Variants in NKAIN1 observed in about 807,000 individuals in gnomAD.
The protein encoded by NKAIN1 is sodium/potassium-transporting ATPase subunit beta-1-interacting protein 1.
Under a neutral mutation model 31.6 loss-of-function variants are expected in NKAIN1, and 13 were observed. That is an observed-to-expected ratio of 0.41 (90% confidence interval 0.27 to 0.65). NKAIN1 has a LOEUF of 0.65. NKAIN1 is among the 30% of genes least tolerant of loss of function. NKAIN1 has a pLI of 0.30. For synonymous variants in NKAIN1, 104 were observed against 109.0 expected (o/e 0.95, Z 0.28); for missense variants, 193 against 262.2 (o/e 0.74, Z 1.82).
intron 1 of NKAIN1, among the ~76,000 whole-genome samples, chr1:31,192,844 A>G (rs139326394): frequency 0.048 from 7,211 of 149,398 alleles, 343 homozygotes; most frequent in East Asian, 0.12. Flanking sequence ...GTGAGCCACC[A>G]TGCCTGGCCT....
At chr1:31,181,832 C>T (rs1421404888) in intron 6 of NKAIN1, 28 bp downstream of exon 6, 2 of 1,592,384 alleles carry the variant, frequency 1.3e-6, no homozygotes, top group Non-Finnish European at 1.7e-6. Flanking sequence ...CCCAGGCCTC[C>T]CCAAGCCAGC....
chr1:31,238,012 A>C (rs1164008557), intron 1 of NKAIN1, among the ~76,000 whole-genome samples: 1 of 152,196 alleles, frequency 6.6e-6, no homozygotes, highest in Non-Finnish European at 1.5e-5. Flanking sequence ...GCCCTTCTGG[A>C]GTTCCCATTC....
In NKAIN1 at chr1:31,225,033, C is replaced by CTTTTCTTTTCTTTTCTTTT. The variant is rs542671307; in HGVS notation, c.54+14460_54+14461insAAAAGAAAAGAAAAGAAAA. ...AGCCCATTTCTTTTTCTTTTCTTTT[C>CTTTTCTTTTCTTTTCTTTT]TTTTTTTTTTTTTGAGACGGACTCT... is the stretch of plus-strand genomic sequence containing the variant. On this transcript the variant is annotated intron_variant, in intron 1 of 6. Transcript: ENST00000373736. Among the ~76,000 whole-genome samples the CTTTTCTTTTCTTTTCTTTT allele has an allele frequency of 2.7e-5, 3 of 112,140 alleles. No homozygotes were observed. The East Asian group carries it at 8.2e-4, about 31-fold the overall frequency. 73.6% of individuals were successfully genotyped at this position (112,140 alleles called of 152,430 possible).
Position 31,180,083 on chromosome 1 carries a change from T to A in NKAIN1, c.*1620A>T, listed in dbSNP as rs1406221307. The A allele has an allele frequency of 6.6e-6, 1 of 152,372 alleles. No individual in the cohort carries two copies. Among genetic ancestry groups the A allele is most frequent in the East Asian group, 1.9e-4 (1 of 5,200 alleles). 9.4% of individuals were successfully genotyped at this position (152,372 alleles called of 1,614,324 possible). A position where few individuals can be genotyped will look rare whatever the true frequency, so the allele number is the denominator to read the frequency against. Reference sequence around the variant, plus strand: ...ACTCCTGGGCCTGGCTGCTTGCATTTGGGATGGTGGGGTGGGGTTGCCAGC... The same window carrying A: ...ACTCCTGGGCCTGGCTGCTTGCATTAGGGATGGTGGGGTGGGGTTGCCAGC... On this transcript the variant is annotated 3_prime_UTR_variant, in exon 7 of 7. Coordinates refer to ENST00000373736, the MANE Select transcript of NKAIN1 (RefSeq NM_024522.3).
In NKAIN1 at chr1:31,237,905, A is replaced by T. The variant is rs182551175; in HGVS notation, c.54+1589T>A. ...TAAAAAAAACCCCTAGTTTAAAATT[A>T]AAAAATTAACAAACACAGAAGAATC... On this transcript the variant is annotated intron_variant, in intron 1 of 6. Coordinates refer to ENST00000373736, the MANE Select transcript of NKAIN1 (RefSeq NM_024522.3). Among the ~76,000 whole-genome samples the T allele has an allele frequency of 1.2e-3, 186 of 152,346 alleles. 2 individuals carry two copies. The highest frequency in any genetic ancestry group is 2.5e-4 in the Non-Finnish European group (17 of 68,042).
intron 1 of NKAIN1, among the ~76,000 whole-genome samples, chr1:31,189,756 C>G (rs752608182): frequency 1.3e-5 from 2 of 152,212 alleles, no homozygotes; most frequent in East Asian, 1.9e-4. Flanking sequence ...TAGGGATAGG[C>G]GCTCACCCCA....
At chr1:31,190,839 G>T (rs1478562949) in intron 1 of NKAIN1, among the ~76,000 whole-genome samples, 3 of 152,126 alleles carry the variant, frequency 2.0e-5, no homozygotes, top group Admixed American at 6.5e-5. Flanking sequence ...CCCTGACTCT[G>T]CCTGGCCTTG....
intron 1 of NKAIN1, among the ~76,000 whole-genome samples, chr1:31,191,743 A>C (rs967878607): frequency 6.6e-6 from 1 of 152,162 alleles, no homozygotes. Flanking sequence ...ACAGCAGTTA[A>C]AGTCCTACCT....
At chr1:31,191,653 T>G (rs929854781) in intron 1 of NKAIN1, among the ~76,000 whole-genome samples, 1 of 152,192 alleles carries the variant, frequency 6.6e-6, no homozygotes, top group African/African-American at 2.4e-5. Context: ...AGTCTAAGCT[T>G]CTTAGTTTGG....
intron 2 of NKAIN1, 91 bp downstream of exon 2, chr1:31,187,959 G>A (rs974812921): frequency 2.2e-6 from 3 of 1,364,996 alleles, no homozygotes; most frequent in Non-Finnish European, 3.0e-6. Context: ...CCAGTGTTGG[G>A]GGGCAGTTCT....
chr1:31,225,345 T>A (rs1645595896), intron 1 of NKAIN1, among the ~76,000 whole-genome samples: 1 of 141,914 alleles, frequency 7.0e-6, no homozygotes, highest in Admixed American at 7.1e-5. Context: ...TTTTTTTTTT[T>A]TTTTTTAAAG....
At chr1:31,232,424 T>TATATATATATATAGAGAGAG (rs1313157898) in intron 1 of NKAIN1, among the ~76,000 whole-genome samples, 4 of 16,924 alleles carry the variant, frequency 2.4e-4, no homozygotes, top group Non-Finnish European at 4.6e-4. Flanking sequence ...TATATATATA[T>TATATATATATATAGAGAGAG]AGAGAGAGAG....
At chr1:31,185,365 G>T (rs1171879140) in intron 2 of NKAIN1, 38 bp from the exon 3 acceptor site, 2 of 1,536,034 alleles carry the variant, frequency 1.3e-6, no homozygotes, top group Non-Finnish European at 8.9e-7. Context: ...TGGGGCCTGG[G>T]GAGTGGGGGA....
chr1:31,225,181 C>T (rs1052166350), intron 1 of NKAIN1, among the ~76,000 whole-genome samples: 1 of 150,950 alleles, frequency 6.6e-6, no homozygotes, highest in African/African-American at 2.4e-5. Context: ...GCACCCGCCA[C>T]CACACCTGGC....
intron 4 of NKAIN1, among the ~76,000 whole-genome samples, chr1:31,183,413 C>T (rs1194133554): frequency 1.5e-5 from 2 of 136,070 alleles, no homozygotes; most frequent in Non-Finnish European, 3.0e-5. Context: ...GACAGACAGG[C>T]GGAAGACCTA....
At chr1:31,213,435 T>TTAA (rs34904393) in intron 1 of NKAIN1, among the ~76,000 whole-genome samples, 102,694 of 151,760 alleles carry the variant, frequency 0.68, 35,526 homozygotes, top group Middle Eastern at 0.86. Flanking sequence ...ATAACAAGTG[T>TTAA]TGATGATGCA....
chr1:31,212,047 A>G (rs567654947), intron 1 of NKAIN1, among the ~76,000 whole-genome samples: 39 of 152,336 alleles, frequency 2.6e-4, no homozygotes, highest in African/African-American at 9.1e-4. Flanking sequence ...TCCTGATTTC[A>G]AAACTTACAA....
chr1:31,227,861 G>A (rs1028782396), intron 1 of NKAIN1, among the ~76,000 whole-genome samples: 1 of 152,188 alleles, frequency 6.6e-6, no homozygotes, highest in African/African-American at 2.4e-5. Context: ...TGTCCTCCCT[G>A]GTGGCTCCAA....
chr1:31,235,083 C>T (rs1161263334), intron 1 of NKAIN1, among the ~76,000 whole-genome samples: 1 of 152,176 alleles, frequency 6.6e-6, no homozygotes, highest in East Asian at 1.9e-4. Flanking sequence ...CATATGTATG[C>T]TCATTTGGTT....
Sources: allele counts gnomAD v4.1 joint callset (sites outside exome capture counted in the v4.1 genomes callset), GRCh38; gene constraint gnomAD v4.1.1; transcripts MANE v1.5; gene names NCBI Gene and HGNC (gene_info 2026-07-23, HGNC 2026-07-21).